The following RBFOX1 variants were observed in gnomAD, a reference collection of about 807,000 sequenced individuals.
The protein encoded by RBFOX1 is RNA binding fox-1 homolog 1, also known as RNA binding protein fox-1 homolog 1.
In RBFOX1, 8 loss-of-function variants were observed where a neutral mutation model predicts 57.7. That is an observed-to-expected ratio of 0.14 (90% CI 0.08 to 0.25). RBFOX1 has a LOEUF of 0.25. Among genes scored for constraint, RBFOX1 ranks in the 10% least tolerant of loss-of-function variants. RBFOX1 has a pLI of 1.00. For missense variants in RBFOX1, 611 were observed against 548.5 expected, an observed-to-expected ratio of 1.11 and a Z score of -1.14; for synonymous variants, 326 against 222.4, an observed-to-expected ratio of 1.47 and a Z score of -4.15.
intron 4 of RBFOX1, among the ~76,000 whole-genome samples, chr16:7,227,034 C>T (rs374250046): frequency 2.0e-5 from 3 of 152,108 alleles, no homozygotes; most frequent in East Asian, 1.9e-4. Flanking sequence ...TTGTCCTCTC[C>T]GGCATTGCAC....
At chr16:6,939,405 A>G (rs778415749) in intron 3 of RBFOX1, among the ~76,000 whole-genome samples, 72 of 149,960 alleles carry the variant, frequency 4.8e-4, no homozygotes, top group African/African-American at 1.5e-3. Context: ...GTGTGTGTAT[A>G]TATATATATG....
chr16:6,581,312 T>G (rs971115246), intron 2 of RBFOX1, among the ~76,000 whole-genome samples: 2 of 152,214 alleles, frequency 1.3e-5, no homozygotes, highest in Non-Finnish European at 2.9e-5. Flanking sequence ...CGATGATCCC[T>G]GTGAAGCATG....
chr16:6,661,539 CAG>C (rs2098701636), intron 3 of RBFOX1, among the ~76,000 whole-genome samples: 1 of 152,228 alleles, frequency 6.6e-6, no homozygotes, highest in Middle Eastern at 3.4e-3. Flanking sequence ...TGTATGGGGC[CAG>C]AGTTACACAG....
chr16:5,357,980 T>TTA (rs2065439848), intron 1 of RBFOX1, among the ~76,000 whole-genome samples: 1 of 152,244 alleles, frequency 6.6e-6, no homozygotes, highest in Non-Finnish European at 1.5e-5. Flanking sequence ...TTCCTAGAGC[T>TTA]GCTGTAGCAA....
intron 3 of RBFOX1, among the ~76,000 whole-genome samples, chr16:6,928,112 C>T (rs1049979735): frequency 3.3e-5 from 5 of 152,084 alleles, no homozygotes; most frequent in African/African-American, 7.2e-5. Context: ...TCAGTCCCTT[C>T]GGCAGATGGC....
At chr16:6,324,990 C>G (rs532788408) in intron 2 of RBFOX1, among the ~76,000 whole-genome samples, 1 of 152,252 alleles carries the variant, frequency 6.6e-6, no homozygotes, top group East Asian at 1.9e-4. Context: ...AGACATTTTG[C>G]TTTCTCTTTG....
intron 5 of RBFOX1, among the ~76,000 whole-genome samples, chr16:7,574,904 T>C (rs908349622): frequency 6.6e-6 from 1 of 152,070 alleles, no homozygotes; most frequent in Non-Finnish European, 1.5e-5. Context: ...CTGCCTGAAG[T>C]GGTGGAGGAC....
At chr16:5,552,223 G>C (rs540660903) in intron 2 of RBFOX1, among the ~76,000 whole-genome samples, 1 of 152,144 alleles carries the variant, frequency 6.6e-6, no homozygotes, top group South Asian at 2.1e-4. Context: ...CCCAGCCCTT[G>C]GGGATGATTC....
intron 7 of RBFOX1, among the ~76,000 whole-genome samples, chr16:7,591,708 A>G (rs903972397): frequency 1.3e-5 from 2 of 152,038 alleles, no homozygotes; most frequent in African/African-American, 4.8e-5. Flanking sequence ...TGCGGTCTTG[A>G]TTTTTTAAGC....
At chr16:6,642,727 G>A (rs1049512535) in intron 2 of RBFOX1, among the ~76,000 whole-genome samples, 2 of 152,028 alleles carry the variant, frequency 1.3e-5, no homozygotes, top group Non-Finnish European at 2.9e-5. Flanking sequence ...GTTTGGTTGG[G>A]GATCGTTTTG....
At chr16:6,914,085 T>G (rs78686779) in intron 3 of RBFOX1, among the ~76,000 whole-genome samples, 31,604 of 152,060 alleles carry the variant, frequency 0.21, 3,566 homozygotes, top group Non-Finnish European at 0.26. Context: ...TTATGTCTAA[T>G]CTATCCAGTG....
chr16:5,309,314 C>T (rs1225834529), intron 1 of RBFOX1, among the ~76,000 whole-genome samples: 1 of 152,092 alleles, frequency 6.6e-6, no homozygotes, highest in Non-Finnish European at 1.5e-5. Flanking sequence ...TATTATTTTT[C>T]ACTTAGAGAT....
intron 4 of RBFOX1, among the ~76,000 whole-genome samples, chr16:5,900,843 C>G (rs903650422): frequency 6.6e-6 from 1 of 152,208 alleles, no homozygotes; most frequent in Non-Finnish European, 1.5e-5. Context: ...CAGGAGCTCC[C>G]TCCCGGCCCC....
intron 4 of RBFOX1, among the ~76,000 whole-genome samples, chr16:7,058,650 T>C (rs1189910063): frequency 2.0e-5 from 3 of 152,316 alleles, no homozygotes; most frequent in South Asian, 2.1e-4. Context: ...AACTAATTAA[T>C]GCATATGAGG....
intron 5 of RBFOX1, among the ~76,000 whole-genome samples, chr16:7,555,740 C>T (rs935908383): frequency 2.6e-5 from 4 of 152,198 alleles, no homozygotes; most frequent in African/African-American, 9.6e-5. Context: ...TGAGCTCTCC[C>T]TGTGGCCCAC....
intron 1 of RBFOX1, among the ~76,000 whole-genome samples, chr16:5,253,878 T>C (rs1287675778): frequency 6.6e-6 from 1 of 152,230 alleles, no homozygotes; most frequent in African/African-American, 2.4e-5. Flanking sequence ...GGTCATGGTC[T>C]CATCTGACAG....
At chr16:7,042,047 T>A (rs1463067853) in intron 3 of RBFOX1, among the ~76,000 whole-genome samples, 3 of 152,188 alleles carry the variant, frequency 2.0e-5, no homozygotes, top group Non-Finnish European at 4.4e-5. Context: ...GGGAGAAAAC[T>A]GGATCTACAG....
At chr16:6,943,243 GCAGT>G (rs1015850472) in intron 3 of RBFOX1, among the ~76,000 whole-genome samples, 2 of 152,210 alleles carry the variant, frequency 1.3e-5, no homozygotes, top group Admixed American at 6.5e-5. Flanking sequence ...GAGAAAGCCA[GCAGT>G]CAATGACTGA....
At chr16:7,248,705 T>A (rs969611557) in intron 4 of RBFOX1, among the ~76,000 whole-genome samples, 1 of 152,200 alleles carries the variant, frequency 6.6e-6, no homozygotes, top group African/African-American at 2.4e-5. Context: ...AAATTAGAGT[T>A]GCATGTTATT....
Sources: gnomAD v4.1 joint callset for allele counts (sites outside exome capture counted in the v4.1 genomes callset) on GRCh38, gnomAD v4.1.1 for gene constraint, MANE v1.5 for transcripts, NCBI Gene and HGNC (gene_info 2026-07-23, HGNC 2026-07-21) for gene names.